The following APP variants were observed in gnomAD, a reference collection of about 807,000 sequenced individuals.
APP encodes amyloid beta precursor protein, also known as amyloid-beta precursor protein.
APP carries 31 observed loss-of-function variants against 101.4 expected under a neutral mutation model. The ratio of observed to expected loss-of-function variants is 0.31; its 90% CI spans 0.23 to 0.41. The LOEUF is 0.41. APP is among the 10% of genes least tolerant of loss of function. The pLI, the probability that APP is intolerant of heterozygous loss-of-function variation, is 1.00. For synonymous variants in APP, 366 were observed against 364.4 expected, an observed-to-expected ratio of 1.00 and a Z score of -0.05; for missense variants, 839 against 1,003.7, an observed-to-expected ratio of 0.84 and a Z score of 2.22.
chr21:25,885,924 G>A (rs765535784), intron 17 of APP, among the ~76,000 whole-genome samples: 1 of 152,086 alleles, frequency 6.6e-6, no homozygotes, highest in Non-Finnish European at 1.5e-5. Flanking sequence ...TCCTCCTATT[G>A]CCCCTAGAGT....
At chr21:25,940,347 T>C (rs1036955796) in intron 13 of APP, among the ~76,000 whole-genome samples, 2 of 152,148 alleles carry the variant, frequency 1.3e-5, no homozygotes, top group Non-Finnish European at 2.9e-5. Flanking sequence ...GTGCTAAAAT[T>C]AGAAAAGACT....
chr21:25,914,698 C>T (rs1296288733), intron 13 of APP, among the ~76,000 whole-genome samples: 4 of 152,104 alleles, frequency 2.6e-5, no homozygotes, highest in Non-Finnish European at 4.4e-5. Context: ...GGACTACAGG[C>T]GCCCGCCACC....
At chr21:25,971,848 A>G (rs2042044522) in intron 11 of APP, among the ~76,000 whole-genome samples, 2 of 152,244 alleles carry the variant, frequency 1.3e-5, no homozygotes, top group Admixed American at 6.5e-5. Context: ...AACTGCTTCT[A>G]TCCCACCTAA....
At chr21:26,042,990 T>G (rs2045444649) in intron 5 of APP, among the ~76,000 whole-genome samples, 1 of 152,170 alleles carries the variant, frequency 6.6e-6, no homozygotes, top group Admixed American at 6.5e-5. Context: ...TTCATTACAC[T>G]GGAGGAAAAA....
At chr21:25,950,843 G>A (rs1199918048) in intron 13 of APP, among the ~76,000 whole-genome samples, 2 of 152,108 alleles carry the variant, frequency 1.3e-5, no homozygotes, top group Non-Finnish European at 2.9e-5. Flanking sequence ...CAAATATACA[G>A]AACTTGCAAC....
intron 1 of APP, among the ~76,000 whole-genome samples, chr21:26,115,854 G>A (rs1318402213): frequency 1.3e-5 from 2 of 152,028 alleles, no homozygotes; most frequent in Admixed American, 6.6e-5. Context: ...TAAAAGAAAA[G>A]AAATATAAAT....
At chr21:26,140,405 C>G (rs370302354) in intron 1 of APP, 3 of 1,398,220 alleles carry the variant, frequency 2.1e-6, no homozygotes, top group East Asian at 5.1e-5. Flanking sequence ...GTGGATCACA[C>G]GCACACTGCG....
rs972401081 is a variant in APP at position 26,053,473 on chromosome 21, A to G, written c.356-125T>C. ...AGCCTTTTAATGCCTAAGCAACCCA[A>G]TCAAGACCCTACTACCTTTAGAATG... On this transcript the variant is annotated intron_variant, in intron 3 of 17. Coordinates refer to ENST00000346798, the MANE Select transcript of APP (RefSeq NM_000484.4). 1.4e-5 allele frequency: 10 copies of G among 719,952 alleles called. No individual in the cohort carries two copies. In the East Asian group the frequency reaches 1.6e-4, roughly 12 times the overall value. 44.6% of individuals were successfully genotyped at this position (719,952 alleles called of 1,614,324 possible). A position where few individuals can be genotyped will look rare whatever the true frequency, so the allele number is the denominator to read the frequency against.
intron 2 of APP, among the ~76,000 whole-genome samples, chr21:26,095,547 G>A (rs1005486193): frequency 1.3e-5 from 2 of 152,126 alleles, no homozygotes; most frequent in African/African-American, 4.8e-5. Flanking sequence ...TGCCTAATTT[G>A]TAAATTCAAC....
intron 3 of APP, among the ~76,000 whole-genome samples, chr21:26,059,552 G>A (rs553011764): frequency 8.5e-5 from 13 of 152,200 alleles, no homozygotes; most frequent in Middle Eastern, 3.4e-3. Flanking sequence ...TTCTCTCACC[G>A]TCCTCAGAAC....
At chr21:25,997,067 G>A (rs544885730) in intron 8 of APP, 2 of 421,922 alleles carry the variant, frequency 4.7e-6, no homozygotes, top group Non-Finnish European at 8.7e-6. Context: ...AATAGTAATG[G>A]CAAATACAAT....
At chr21:25,958,855 T>C (rs898464436) in intron 11 of APP, among the ~76,000 whole-genome samples, 1 of 152,212 alleles carries the variant, frequency 6.6e-6, no homozygotes, top group Admixed American at 6.5e-5. Flanking sequence ...GTATATTAAA[T>C]GCTTTTTGCT....
intron 2 of APP, among the ~76,000 whole-genome samples, chr21:26,108,507 C>T (rs903484749): frequency 4.6e-5 from 7 of 152,068 alleles, no homozygotes; most frequent in Admixed American, 2.0e-4. Flanking sequence ...TCTGGGAGAA[C>T]GAAGATATAT....
In APP at chr21:26,045,130, G is replaced by C. The variant is rs369269096; in HGVS notation, c.662+5870C>G. On this transcript the variant is annotated intron_variant, in intron 5 of 17. Coordinates refer to ENST00000346798, the MANE Select transcript of APP (RefSeq NM_000484.4). The stretch of plus-strand genomic sequence containing the variant: ...AAAAGGGGGAAAAAAAGACTGGCTT[G>C]ATCATTTTAATAGCTGTTTACAAAT... 1.2e-3 allele frequency among the ~76,000 whole-genome samples: 178 copies of C among 152,292 alleles called. 1 individual carries two copies. In the South Asian group the frequency reaches 0.024, roughly 21 times the overall value.
intron 14 of APP, among the ~76,000 whole-genome samples, chr21:25,909,045 C>T (rs1020349264): frequency 6.6e-6 from 1 of 151,966 alleles, no homozygotes; most frequent in African/African-American, 2.4e-5. Flanking sequence ...GGGCGGATCA[C>T]GAGGTCAGGA....
intron 2 of APP, among the ~76,000 whole-genome samples, chr21:26,103,652 G>A (rs553629114): frequency 6.6e-6 from 1 of 152,152 alleles, no homozygotes; most frequent in Non-Finnish European, 1.5e-5. Flanking sequence ...AATGGTCTCT[G>A]CAAAAGGAAA....
chr21:26,095,815 A>G (rs1006058401), intron 2 of APP, among the ~76,000 whole-genome samples: 1 of 152,258 alleles, frequency 6.6e-6, no homozygotes, highest in Non-Finnish European at 1.5e-5. Flanking sequence ...TAATATGACA[A>G]GCATTGCAAA....
chr21:26,080,445 A>G (rs2061574815), intron 3 of APP, among the ~76,000 whole-genome samples: 1 of 151,616 alleles, frequency 6.6e-6, no homozygotes, highest in South Asian at 2.1e-4. Context: ...TTTTTTTTAC[A>G]TGACTGAATT....
intron 3 of APP, among the ~76,000 whole-genome samples, chr21:26,073,515 A>G (rs1307191618): frequency 3.9e-5 from 6 of 152,200 alleles, no homozygotes; most frequent in African/African-American, 1.4e-4. Flanking sequence ...GAGGTTACGA[A>G]GATCACACAG....
Sources: gnomAD v4.1 joint callset for allele counts (sites outside exome capture counted in the v4.1 genomes callset) on GRCh38, gnomAD v4.1.1 for gene constraint, MANE v1.5 for transcripts, NCBI Gene and HGNC (gene_info 2026-07-23, HGNC 2026-07-21) for gene names.